The following IMPA2 variants were observed in gnomAD, a reference collection of about 807,000 sequenced individuals.
IMPA2 encodes inositol monophosphatase 2, also known as IMP 2.
In IMPA2, 32 loss-of-function variants were observed where a neutral mutation model predicts 35.1. That is an observed-to-expected ratio of 0.91 (90% CI 0.69 to 1.23). The LOEUF (loss-of-function observed/expected upper bound fraction) is 1.23. IMPA2 is among the 50% of genes most tolerant of loss of function. The pLI, the probability that IMPA2 is intolerant of heterozygous loss-of-function variation, is 0.00. For missense variants in IMPA2, 334 were observed against 387.6 expected, an observed-to-expected ratio of 0.86 and a Z score of 1.16; for synonymous variants, 135 against 160.6, an observed-to-expected ratio of 0.84 and a Z score of 1.20.
At chr18:11,995,746 AC>A (rs1000488008) in intron 1 of IMPA2, among the ~76,000 whole-genome samples, 4 of 151,180 alleles carry the variant, frequency 2.6e-5, no homozygotes, top group African/African-American at 9.8e-5. Context: ...GATCTTTTCA[AC>A]AGGGCAACCA....
At chr18:12,028,206 C>A in intron 6 of IMPA2, 55 bp downstream of exon 6, 1 of 1,199,780 alleles carries the variant, frequency 8.3e-7, no homozygotes, top group Non-Finnish European at 1.2e-6. Context: ...GAACGGAACA[C>A]GGACTTGCTA....
chr18:12,001,173 G>T (rs1907106473), intron 2 of IMPA2, among the ~76,000 whole-genome samples: 2 of 152,002 alleles, frequency 1.3e-5, no homozygotes, highest in East Asian at 2.0e-4. Flanking sequence ...AGGTTGCAGT[G>T]AGCCGAGGTC....
chr18:12,027,990 A>G, intron 5 of IMPA2, 53 bp from the exon 6 acceptor site: 2 of 1,167,524 alleles, frequency 1.7e-6, no homozygotes, highest in Non-Finnish European at 2.6e-6. Context: ...TGTACTCCTT[A>G]GTTAGAACCA....
At chr18:11,985,747 G>A (rs1038502625) in intron 1 of IMPA2, among the ~76,000 whole-genome samples, 2 of 152,174 alleles carry the variant, frequency 1.3e-5, no homozygotes, top group Non-Finnish European at 2.9e-5. Context: ...AGGGGAGTAT[G>A]CCTGGAAGCC....
intron 5 of IMPA2, among the ~76,000 whole-genome samples, chr18:12,020,170 G>A (rs1907687823): frequency 6.9e-6 from 1 of 144,894 alleles, no homozygotes; most frequent in African/African-American, 2.8e-5. Context: ...ACCACACTCG[G>A]CCTTTATTTA....
intron 1 of IMPA2, among the ~76,000 whole-genome samples, chr18:11,990,983 A>C (rs1404633732): frequency 6.6e-6 from 1 of 152,216 alleles, no homozygotes; most frequent in African/African-American, 2.4e-5. Flanking sequence ...GGGGCAGAAG[A>C]AGCGCTCTGT....
chr18:12,028,797 A>G, intron 6 of IMPA2, 45 bp from the exon 7 acceptor site: 1 of 1,591,908 alleles, frequency 6.3e-7, no homozygotes, highest in Non-Finnish European at 8.5e-7. Flanking sequence ...ACCACAGAAA[A>G]GGCTCCACTC....
chr18:12,006,172 A>G (rs3786293), intron 2 of IMPA2, among the ~76,000 whole-genome samples: 21,909 of 152,110 alleles, frequency 0.14, 1,806 homozygotes, highest in African/African-American at 0.22. Context: ...AGCACTTATG[A>G]TCACGCCCTA....
chr18:12,029,108 G>GTTTTTTTTTTTT, intron 7 of IMPA2, 115 bp downstream of exon 7: 1 of 266,042 alleles, frequency 3.8e-6, no homozygotes, highest in Non-Finnish European at 6.3e-6. Context: ...CAGAGTTTCT[G>GTTTTTTTTTTTT]TTTTTTTTTT....
In IMPA2 at chr18:12,010,059, AAGC is replaced by A; in HGVS notation, c.335+77_335+79del. 8.3e-7 allele frequency: 1 copy of A among 1,198,576 alleles called. No individual in the cohort carries two copies. Among genetic ancestry groups the A allele is most frequent in the East Asian group, 2.3e-5 (1 of 42,742 alleles). 74.2% of individuals were successfully genotyped at this position (1,198,576 alleles called of 1,614,324 possible). A position where few individuals can be genotyped will look rare whatever the true frequency, so the allele number is the denominator to read the frequency against. ...CTTCTGTGAGGTTTTGTCTTTTCAA[AAGC>A]AGCATTTTTTAAGGCAGGAATATAT... On this transcript the variant is annotated intron_variant, in intron 3 of 7. Coordinates refer to ENST00000269159, the MANE Select transcript of IMPA2 (RefSeq NM_014214.3). The surrounding 1 kb of genome is among the most constrained non-coding windows in gnomAD (Gnocchi z 4.8).
chr18:11,998,974 G>A (rs901098450), intron 1 of IMPA2, 80 bp from the exon 2 acceptor site: 61 of 631,426 alleles, frequency 9.7e-5, no homozygotes, highest in Non-Finnish European at 1.3e-4. Flanking sequence ...ATACAGAGGG[G>A]ACTCGAAGGA....
chr18:12,006,406 A>G (rs1428380833), intron 2 of IMPA2, among the ~76,000 whole-genome samples: 1 of 152,228 alleles, frequency 6.6e-6, no homozygotes, highest in African/African-American at 2.4e-5. Context: ...TCCTGCAAGG[A>G]GCAAGGCGTG....
At chr18:12,007,780 T>TC (rs1264674768) in intron 2 of IMPA2, among the ~76,000 whole-genome samples, 1 of 150,734 alleles carries the variant, frequency 6.6e-6, no homozygotes, top group Non-Finnish European at 1.5e-5. Flanking sequence ...TTCTTTTCTT[T>TC]CTTTTCTTTT....
intron 2 of IMPA2, among the ~76,000 whole-genome samples, chr18:12,007,658 TCTTTCTTTCTTTCTTTCTTTC>T (rs1337725046): frequency 1.6e-4 from 22 of 135,552 alleles, no homozygotes; most frequent in South Asian, 2.3e-4. Context: ...TTTCTTTCTT[TCTTTCTTTCTTTCTTTCTTTC>T]CTTTCTTTCC....
At chr18:11,984,986 C>T (rs77239944) in intron 1 of IMPA2, among the ~76,000 whole-genome samples, 1 of 80,416 alleles carries the variant, frequency 1.2e-5, no homozygotes, top group Non-Finnish European at 2.5e-5. Context: ...AAAAAAAAAA[C>T]AACAAAAATC....
intron 5 of IMPA2, among the ~76,000 whole-genome samples, chr18:12,022,590 T>A (rs757741935): frequency 1.4e-5 from 2 of 146,744 alleles, no homozygotes; most frequent in African/African-American, 2.5e-5. Flanking sequence ...ACCTAAGATA[T>A]GGTAAATATA....
intron 5 of IMPA2, among the ~76,000 whole-genome samples, chr18:12,022,676 A>C (rs1275205451): frequency 6.6e-6 from 1 of 151,114 alleles, no homozygotes; most frequent in Non-Finnish European, 1.5e-5. Context: ...GATAATATTA[A>C]GTAGGGGTTG....
At chr18:12,022,405 C>T (rs890698211) in intron 5 of IMPA2, among the ~76,000 whole-genome samples, 2 of 151,420 alleles carry the variant, frequency 1.3e-5, no homozygotes, top group South Asian at 4.2e-4. Context: ...TGCCTGTAAT[C>T]CCAGCTATTC....
At chr18:11,982,880 TTTG>T (rs1485586316) in intron 1 of IMPA2, among the ~76,000 whole-genome samples, 2 of 151,990 alleles carry the variant, frequency 1.3e-5, no homozygotes, top group East Asian at 3.9e-4. Context: ...TATTCAAACA[TTTG>T]TTTTCTTTTT....
Sources: allele counts gnomAD v4.1 joint callset (sites outside exome capture counted in the v4.1 genomes callset), GRCh38; gene constraint gnomAD v4.1.1; non-coding constraint Gnocchi (gnomAD v3.1); transcripts MANE v1.5; gene names NCBI Gene and HGNC (gene_info 2026-07-23, HGNC 2026-07-21).